Variants in SNX16 observed in about 807,000 individuals in gnomAD.
SNX16 encodes sorting nexin 16.
A neutral mutation model predicts 36.7 loss-of-function variants in SNX16; 35 were observed. That is an observed-to-expected ratio of 0.95 (90% CI 0.73 to 1.27). The LOEUF is 1.27. Ranked by LOEUF, SNX16 falls within the 50% of genes most tolerant of loss-of-function variation. The pLI, the probability that SNX16 is intolerant of heterozygous loss-of-function variation, is 0.00. For synonymous variants in SNX16, 134 were observed against 132.0 expected, an observed-to-expected ratio of 1.02 and a Z score of -0.10; for missense variants, 367 against 393.6, an observed-to-expected ratio of 0.93 and a Z score of 0.57.
At chr8:81,823,446 G>C (rs143666369) in intron 4 of SNX16, among the ~76,000 whole-genome samples, 117 of 151,960 alleles carry the variant, frequency 7.7e-4, no homozygotes, top group African/African-American at 2.7e-3. Context: ...CAATTACATA[G>C]TATCATATTA....
chr8:81,830,976 T>A (rs1383480724), intron 2 of SNX16, among the ~76,000 whole-genome samples: 1 of 152,186 alleles, frequency 6.6e-6, no homozygotes, highest in Non-Finnish European at 1.5e-5. Context: ...CCTACAGCCA[T>A]CTGTTCTCTG....
At chr8:81,831,087 TA>T (rs1586015305) in intron 2 of SNX16, among the ~76,000 whole-genome samples, 2 of 152,318 alleles carry the variant, frequency 1.3e-5, no homozygotes, top group East Asian at 3.9e-4. Context: ...ACTGGAGCTC[TA>T]TCTTTCACTA....
chr8:81,802,350 T>C lies in SNX16; in HGVS notation c.938+30A>G, dbSNP rs1809738152. 7.1e-6 allele frequency: 11 copies of C among 1,557,946 alleles called. 1 individual carries two copies. The East Asian group carries it at 2.6e-4, about 36-fold the overall frequency. On this transcript the variant is annotated intron_variant, in intron 7 of 7. Transcript: ENST00000345957. Reference sequence around the variant, plus strand: ...TCACTTTCCTCCAATTATTCAAGAATTAAGCTATCATAAATGAAATATTAT... The same window carrying C: ...TCACTTTCCTCCAATTATTCAAGAACTAAGCTATCATAAATGAAATATTAT...
Position 81,834,495 on chromosome 8 carries a change from C to T in SNX16, c.376-4979G>A, listed in dbSNP as rs143153207. 3.0e-3 allele frequency among the ~76,000 whole-genome samples: 450 copies of T among 152,258 alleles called. 2 individuals are homozygous for T. The highest frequency in any genetic ancestry group is 0.01 in the African/African-American group (434 of 41,566). The stretch of plus-strand genomic sequence containing the variant: ...AAAGTCCACAGTCCAAATTCTTATA[C>T]GAGACAAGAAGTCCCTTCCGTCTAT... On this transcript the variant is annotated intron_variant, in intron 2 of 7. Coordinates refer to ENST00000345957, the MANE Select transcript of SNX16 (RefSeq NM_152836.3).
intron 7 of SNX16, 60 bp downstream of exon 7, chr8:81,802,320 T>C: frequency 7.0e-7 from 1 of 1,424,220 alleles, no homozygotes; most frequent in Non-Finnish European, 9.5e-7. Context: ...TATAGAGTAT[T>C]AGAATCACTT....
chr8:81,813,131 G>A (rs1437222946), intron 5 of SNX16, among the ~76,000 whole-genome samples: 2 of 152,032 alleles, frequency 1.3e-5, no homozygotes, highest in South Asian at 2.1e-4. Context: ...CCAATTACAC[G>A]CTATGTAGAA....
intron 3 of SNX16, among the ~76,000 whole-genome samples, chr8:81,825,209 C>T (rs1429516713): frequency 1.3e-5 from 2 of 152,154 alleles, no homozygotes; most frequent in Admixed American, 1.3e-4. Context: ...TCTTGATGGG[C>T]AGTGGCAAGA....
chr8:81,835,006 GCCCCTAC>G (rs1811431673), intron 2 of SNX16, among the ~76,000 whole-genome samples: 1 of 152,204 alleles, frequency 6.6e-6, no homozygotes, highest in Non-Finnish European at 1.5e-5. Flanking sequence ...TGAGGGCCCT[GCCCCTAC>G]AGCAAACTTC....
At chr8:81,818,930 T>C (rs1810611324) in intron 4 of SNX16, among the ~76,000 whole-genome samples, 1 of 152,140 alleles carries the variant, frequency 6.6e-6, no homozygotes, top group Non-Finnish European at 1.5e-5. Context: ...TATGTAAAGA[T>C]GGCTATCATA....
intron 3 of SNX16, 118 bp downstream of exon 3, chr8:81,829,312 T>C (rs867220931): frequency 1.2e-4 from 47 of 380,728 alleles, no homozygotes; most frequent in Middle Eastern, 1.4e-3. Context: ...AAAAAATTAA[T>C]TTTCTTATGA....
chr8:81,803,522 T>A (rs1193772859), intron 5 of SNX16, among the ~76,000 whole-genome samples: 1 of 151,964 alleles, frequency 6.6e-6, no homozygotes, highest in East Asian at 1.9e-4. Flanking sequence ...AGTGTAGAAC[T>A]GGGATAAAAA....
intron 2 of SNX16, among the ~76,000 whole-genome samples, chr8:81,834,120 T>TA (rs1157648448): frequency 6.6e-6 from 1 of 152,206 alleles, no homozygotes; most frequent in Non-Finnish European, 1.5e-5. Context: ...TCCATGTGGC[T>TA]AGGGAGGCCT....
chr8:81,823,971 T>C (rs1810894481), intron 3 of SNX16, 31 bp from the exon 4 acceptor site: 1 of 1,592,034 alleles, frequency 6.3e-7, no homozygotes, highest in African/African-American at 1.4e-5. Context: ...AAATACAATG[T>C]TTAACTCAAG....
intron 5 of SNX16, among the ~76,000 whole-genome samples, chr8:81,807,240 C>T (rs1809994546): frequency 6.6e-6 from 1 of 151,822 alleles, no homozygotes. Context: ...ACTGAGTGGC[C>T]AGGCATGGTG....
intron 4 of SNX16, 113 bp from the exon 5 acceptor site, chr8:81,815,507 T>C: frequency 1.5e-6 from 1 of 667,430 alleles, no homozygotes; most frequent in Non-Finnish European, 2.5e-6. Context: ...GGTTATGTGT[T>C]TTCATACAAG....
chr8:81,818,244 T>G (rs770977818), intron 4 of SNX16, among the ~76,000 whole-genome samples: 2 of 152,132 alleles, frequency 1.3e-5, no homozygotes, highest in Non-Finnish European at 2.9e-5. Context: ...GAGATAGCAT[T>G]ATATGAACTA....
intron 2 of SNX16, among the ~76,000 whole-genome samples, chr8:81,836,102 G>A (rs1168262475): frequency 6.6e-6 from 1 of 152,172 alleles, no homozygotes; most frequent in East Asian, 1.9e-4. Context: ...AACCATATCA[G>A]TGAGCAAGAA....
At chr8:81,826,157 A>G (rs1811012065) in intron 3 of SNX16, among the ~76,000 whole-genome samples, 1 of 152,142 alleles carries the variant, frequency 6.6e-6, no homozygotes, top group South Asian at 2.1e-4. Context: ...AATTGCCAGA[A>G]AGACAGTGAA....
intron 5 of SNX16, among the ~76,000 whole-genome samples, chr8:81,811,330 C>G (rs922385598): frequency 6.6e-6 from 1 of 152,106 alleles, no homozygotes; most frequent in Non-Finnish European, 1.5e-5. Context: ...CCAAGCCACA[C>G]AGGACAACAG....
Sources: gnomAD v4.1 joint callset for allele counts (sites outside exome capture counted in the v4.1 genomes callset) on GRCh38, gnomAD v4.1.1 for gene constraint, MANE v1.5 for transcripts, NCBI Gene and HGNC (gene_info 2026-07-23, HGNC 2026-07-21) for gene names.